Variants in PRKAG2 observed in about 807,000 individuals in gnomAD.
PRKAG2 encodes 5'-AMP-activated protein kinase subunit gamma-2.
In PRKAG2, 26 loss-of-function variants were observed where a neutral mutation model predicts 69.6. The ratio of observed to expected loss-of-function variants is 0.37; its 90% CI spans 0.27 to 0.52. PRKAG2 has a LOEUF of 0.52. Ranked by LOEUF, PRKAG2 falls within the 20% of genes least tolerant of loss-of-function variation. The probability of loss-of-function intolerance (pLI) is 0.90; values close to 1 mark genes in which losing one functional copy is unlikely to be tolerated. For synonymous variants in PRKAG2, 293 were observed against 285.0 expected, an observed-to-expected ratio of 1.03 and a Z score of -0.28; for missense variants, 557 against 740.0, an observed-to-expected ratio of 0.75 and a Z score of 2.87.
intron 1 of PRKAG2, among the ~76,000 whole-genome samples, chr7:151,855,250 A>G (rs200646810): frequency 9.6e-6 from 1 of 103,732 alleles, no homozygotes. Flanking sequence ...CTCCACACAC[A>G]CCACCCTCCA....
chr7:151,743,278 C>T (rs1001116), intron 3 of PRKAG2, among the ~76,000 whole-genome samples: 39,454 of 152,090 alleles, frequency 0.26, 5,577 homozygotes, highest in East Asian at 0.32. Flanking sequence ...ACACCCCTGG[C>T]TGGTGCTGCA....
At chr7:151,645,387 C>A (rs1827392217) in intron 4 of PRKAG2, among the ~76,000 whole-genome samples, 1 of 152,134 alleles carries the variant, frequency 6.6e-6, no homozygotes, top group Non-Finnish European at 1.5e-5. Flanking sequence ...GGATCCTTCC[C>A]CAGCTGAGCC....
At chr7:151,832,245 AAGGAAGGGAGGAGGG>A (rs1563737823) in intron 1 of PRKAG2, among the ~76,000 whole-genome samples, 2 of 16,888 alleles carry the variant, frequency 1.2e-4, no homozygotes, top group African/African-American at 3.4e-4. Flanking sequence ...AGGAGGAGGG[AAGGAAGGGAGGAGGG>A]AAGGAAGGGA....
chr7:151,735,938 C>T (rs1440169714), intron 3 of PRKAG2: 1 of 1,536,394 alleles, frequency 6.5e-7, no homozygotes, highest in East Asian at 2.4e-5. Context: ...CCTCTCCGTG[C>T]TTCGATTTTG....
chr7:151,827,299 C>A (rs574466554), intron 1 of PRKAG2, among the ~76,000 whole-genome samples: 1 of 152,090 alleles, frequency 6.6e-6, no homozygotes, highest in Non-Finnish European at 1.5e-5. Context: ...AGTGCAGTGG[C>A]GCAATCTCAG....
At chr7:151,765,496 G>A (rs913842725) in intron 3 of PRKAG2, among the ~76,000 whole-genome samples, 1 of 152,130 alleles carries the variant, frequency 6.6e-6, no homozygotes, top group Non-Finnish European at 1.5e-5. Flanking sequence ...TGAAACCTGG[G>A]GGAGCCCTTT....
At chr7:151,734,848 CTTTTTTTT>C (rs35008070) in intron 3 of PRKAG2, among the ~76,000 whole-genome samples, 4 of 90,082 alleles carry the variant, frequency 4.4e-5, no homozygotes, top group African/African-American at 2.0e-4. Flanking sequence ...AAATCTGATT[CTTTTTTTT>C]TTTTTTTTTT....
intron 5 of PRKAG2, among the ~76,000 whole-genome samples, chr7:151,607,446 A>AT (rs111970706): frequency 1.3e-3 from 187 of 146,072 alleles, no homozygotes; most frequent in Non-Finnish European, 1.6e-3. Flanking sequence ...TTTATTCTGT[A>AT]TTTTTTTTTT....
intron 3 of PRKAG2, among the ~76,000 whole-genome samples, chr7:151,734,926 C>T (rs1464930813): frequency 1.5e-5 from 2 of 136,732 alleles, no homozygotes; most frequent in South Asian, 4.4e-4. Flanking sequence ...GTGACCTGGG[C>T]TCACTGCAAC....
intron 3 of PRKAG2, among the ~76,000 whole-genome samples, chr7:151,697,144 T>C (rs1836812052): frequency 1.3e-5 from 2 of 152,126 alleles, no homozygotes; most frequent in Non-Finnish European, 2.9e-5. Flanking sequence ...GCCAGTTCCC[T>C]TAGGACACAT....
chr7:151,689,530 G>A (rs906113418), intron 3 of PRKAG2, among the ~76,000 whole-genome samples: 1 of 152,226 alleles, frequency 6.6e-6, no homozygotes, highest in African/African-American at 2.4e-5. Context: ...CCACTTTGGA[G>A]AGCCACGTAC....
intron 3 of PRKAG2, among the ~76,000 whole-genome samples, chr7:151,747,607 G>A (rs1452099896): frequency 6.6e-6 from 1 of 152,090 alleles, no homozygotes; most frequent in Admixed American, 6.6e-5. Flanking sequence ...AGTATGTAAT[G>A]CATCTGACAC....
intron 1 of PRKAG2, among the ~76,000 whole-genome samples, chr7:151,817,572 A>C (rs1301109221): frequency 6.6e-6 from 1 of 151,778 alleles, no homozygotes; most frequent in Non-Finnish European, 1.5e-5. Flanking sequence ...GCATGCAGGC[A>C]CCCTCCTGAC....
intron 3 of PRKAG2, among the ~76,000 whole-genome samples, chr7:151,712,495 C>G (rs1256068152): frequency 6.6e-6 from 1 of 152,228 alleles, no homozygotes; most frequent in Non-Finnish European, 1.5e-5. Flanking sequence ...GGGAAAGTCC[C>G]CTTCCTCCAC....
chr7:151,604,805 C>T (rs912096051), intron 5 of PRKAG2, among the ~76,000 whole-genome samples: 22 of 152,272 alleles, frequency 1.4e-4, no homozygotes, highest in African/African-American at 4.3e-4. Context: ...CTCCTGGCTG[C>T]GACAGTTTCT....
intron 1 of PRKAG2, among the ~76,000 whole-genome samples, chr7:151,862,077 C>G (rs768648708): frequency 1.3e-5 from 2 of 151,890 alleles, no homozygotes; most frequent in East Asian, 3.9e-4. Context: ...GGATGAGGCC[C>G]GAGGCACTGG....
intron 4 of PRKAG2, among the ~76,000 whole-genome samples, chr7:151,643,681 C>G (rs1327606371): frequency 6.6e-6 from 1 of 152,174 alleles, no homozygotes; most frequent in Non-Finnish European, 1.5e-5. Context: ...GTTACATAGC[C>G]ACTTATGGTG....
intron 5 of PRKAG2, among the ~76,000 whole-genome samples, chr7:151,598,091 C>T (rs1027583022): frequency 2.6e-5 from 4 of 151,992 alleles, no homozygotes; most frequent in Non-Finnish European, 5.9e-5. Flanking sequence ...GATAAAGAAA[C>T]GTGGTACCTA....
chr7:151,691,678 A>C (rs1197025781), intron 3 of PRKAG2, among the ~76,000 whole-genome samples: 1 of 152,240 alleles, frequency 6.6e-6, no homozygotes, highest in Non-Finnish European at 1.5e-5. Flanking sequence ...AGTGCTGACA[A>C]TGATTTGGAA....
Sources: allele counts gnomAD v4.1 joint callset (sites outside exome capture counted in the v4.1 genomes callset), GRCh38; gene constraint gnomAD v4.1.1; transcripts MANE v1.5; gene names NCBI Gene and HGNC (gene_info 2026-07-23, HGNC 2026-07-21).